The following NFIA variants were observed in gnomAD, a reference collection of about 807,000 sequenced individuals.
The protein encoded by NFIA is nuclear factor I A, also known as nuclear factor 1 A-type.
NFIA carries 8 observed loss-of-function variants against 62.8 expected under a neutral mutation model. The observed-to-expected ratio is 0.13, with a 90% CI of 0.07 to 0.23. The LOEUF is 0.23. Ranked by LOEUF, NFIA falls within the 10% of genes least tolerant of loss-of-function variation. The probability of loss-of-function intolerance (pLI) is 1.00; values close to 1 mark genes in which losing one functional copy is unlikely to be tolerated. For synonymous variants in NFIA, 235 were observed against 238.1 expected (o/e 0.99, Z 0.12); for missense variants, 410 against 642.1 (o/e 0.64, Z 3.91).
chr1:61,103,261 C>T (rs1193238522), intron 2 of NFIA, among the ~76,000 whole-genome samples: 2 of 152,090 alleles, frequency 1.3e-5, no homozygotes, highest in South Asian at 2.1e-4. Context: ...GGTATATGCA[C>T]GCATATTTTT....
intron 7 of NFIA, among the ~76,000 whole-genome samples, chr1:61,397,080 A>G (rs1439748500): frequency 1.3e-5 from 2 of 152,100 alleles, no homozygotes; most frequent in Non-Finnish European, 1.5e-5. Flanking sequence ...TGGACACTCA[A>G]GGATTGTAGG....
At chr1:61,423,734 T>G (rs1002219466) in intron 9 of NFIA, among the ~76,000 whole-genome samples, 23 of 152,328 alleles carry the variant, frequency 1.5e-4, no homozygotes, top group African/African-American at 5.5e-4. Context: ...AATTCCCTTA[T>G]CCAATTGTTT....
intron 2 of NFIA, among the ~76,000 whole-genome samples, chr1:61,163,742 A>G (rs750585014): frequency 6.6e-6 from 1 of 152,208 alleles, no homozygotes; most frequent in African/African-American, 2.4e-5. Flanking sequence ...TGTTGGTTTT[A>G]ATGGTGCTTT....
rs779933184 is a variant in NFIA, at chr1:61,406,704, G to C, written c.1397G>C (p.Gly466Ala). The change falls in exon 9 of 11, where the codon GGT becomes GCT. Residue 466 changes from glycine to alanine, a missense_variant. Transcript: ENST00000403491. ...TKPPTTSTEGGAASPTSPTYS... is the reference protein window; with the variant it reads ...TKPPTTSTEGAAASPTSPTYS... ...CCTCCAACCACGTCAACAGAAGGAG[G>C]TGCAGCCTCCCCCACGTCACCAAGT... 2 of 1,611,444 alleles carry C rather than the reference G, an allele frequency of 1.2e-6. No individual in the cohort carries two copies. The highest frequency in any genetic ancestry group is 2.2e-5 in the South Asian group (2 of 90,284).
intron 4 of NFIA, among the ~76,000 whole-genome samples, chr1:61,349,782 A>G (rs1662451777): frequency 1.3e-5 from 2 of 151,964 alleles, no homozygotes; most frequent in Non-Finnish European, 2.9e-5. Flanking sequence ...CTGTGGAGAC[A>G]TAGTCTCACT....
chr1:61,241,833 G>A (rs1334352511), intron 2 of NFIA, among the ~76,000 whole-genome samples: 1 of 151,996 alleles, frequency 6.6e-6, no homozygotes, highest in Non-Finnish European at 1.5e-5. Context: ...GAATACATGA[G>A]GTGAAAAACC....
chr1:61,104,949 A>G (rs578213184), intron 2 of NFIA, among the ~76,000 whole-genome samples: 71 of 152,076 alleles, frequency 4.7e-4, no homozygotes, highest in African/African-American at 1.3e-3. Context: ...GGAATGAAAA[A>G]TAGAATGGAT....
chr1:61,431,547 C>T (rs140081223), intron 10 of NFIA, among the ~76,000 whole-genome samples: 96 of 152,368 alleles, frequency 6.3e-4, no homozygotes, highest in Middle Eastern at 3.4e-3. Flanking sequence ...CTTGGCATGG[C>T]ATGGGCCTGA....
At chr1:61,336,403 G>A (rs1661610854) in intron 4 of NFIA, among the ~76,000 whole-genome samples, 1 of 152,008 alleles carries the variant, frequency 6.6e-6, no homozygotes. Context: ...TACAGTTTTA[G>A]GTTAACAGAA....
At chr1:61,219,386 A>G (rs779885576) in intron 2 of NFIA, among the ~76,000 whole-genome samples, 1 of 152,078 alleles carries the variant, frequency 6.6e-6, no homozygotes, top group African/African-American at 2.4e-5. Flanking sequence ...GCTTAAAACT[A>G]TCTAAGGAAC....
intron 3 of NFIA, among the ~76,000 whole-genome samples, chr1:61,322,751 CA>C (rs1400531167): frequency 6.6e-6 from 1 of 152,150 alleles, no homozygotes; most frequent in African/African-American, 2.4e-5. Flanking sequence ...ATTACAAAAA[CA>C]TGAATTTTAT....
At chr1:61,423,784 T>G (rs1000584755) in intron 9 of NFIA, among the ~76,000 whole-genome samples, 4 of 152,178 alleles carry the variant, frequency 2.6e-5, no homozygotes, top group African/African-American at 9.6e-5. Flanking sequence ...ATATCATTTT[T>G]GGGACTATAT....
At chr1:61,418,997 C>T (rs894272935) in intron 9 of NFIA, among the ~76,000 whole-genome samples, 5 of 152,146 alleles carry the variant, frequency 3.3e-5, no homozygotes, top group Non-Finnish European at 5.9e-5. Context: ...CATTTTCTGT[C>T]AATTGAGCAA....
At chr1:61,238,325 A>G (rs1258422911) in intron 2 of NFIA, among the ~76,000 whole-genome samples, 1 of 152,216 alleles carries the variant, frequency 6.6e-6, no homozygotes, top group Non-Finnish European at 1.5e-5. Context: ...CATAATCTAC[A>G]TTTAAATGGT....
rs1366293313 is a variant in NFIA, at chr1:61,433,921, C to G, written c.1512+7365C>G. Reference sequence around the variant, plus strand: ...TATAAGCCATTCAGCACCTGCTGCTCTATGGTCAGAACCTACTTACCAAAA... The same window carrying G: ...TATAAGCCATTCAGCACCTGCTGCTGTATGGTCAGAACCTACTTACCAAAA... On this transcript the variant is annotated intron_variant, in intron 10 of 10. Coordinates refer to ENST00000403491, the MANE Select transcript of NFIA (RefSeq NM_001134673.4). Among the ~76,000 whole-genome samples, 3 of 152,180 alleles carry G rather than the reference C, an allele frequency of 2.0e-5. No homozygotes were observed. The East Asian group carries it at 5.8e-4, about 29-fold the overall frequency.
intron 2 of NFIA, among the ~76,000 whole-genome samples, chr1:61,118,191 C>CAAAAAAA (rs10719154): frequency 7.6e-6 from 1 of 131,280 alleles, no homozygotes; most frequent in Non-Finnish European, 1.6e-5. Flanking sequence ...TCTCAAAGAA[C>CAAAAAAA]AAAAAAAAAA....
chr1:61,099,043 G>A, intron 2 of NFIA, among the ~76,000 whole-genome samples: 1 of 152,110 alleles, frequency 6.6e-6, no homozygotes, highest in East Asian at 1.9e-4. Flanking sequence ...CAGAAAAGAC[G>A]ACAAACATGC....
chr1:61,270,734 T>G (rs1275869164), intron 2 of NFIA, among the ~76,000 whole-genome samples: 1 of 152,194 alleles, frequency 6.6e-6, no homozygotes, highest in East Asian at 1.9e-4. Flanking sequence ...TTAAGCACAA[T>G]TCTGCTATGC....
chr1:61,207,261 TTCTC>T (rs1246164854), intron 2 of NFIA, among the ~76,000 whole-genome samples: 1 of 152,212 alleles, frequency 6.6e-6, no homozygotes, highest in Non-Finnish European at 1.5e-5. Flanking sequence ...ACTGTTTTAT[TTCTC>T]TCAAATTTAG....
Sources: allele counts gnomAD v4.1 joint callset (sites outside exome capture counted in the v4.1 genomes callset), GRCh38; gene constraint gnomAD v4.1.1; transcripts MANE v1.5; gene names NCBI Gene and HGNC (gene_info 2026-07-23, HGNC 2026-07-21).